Variants in YIF1B observed in about 807,000 individuals in gnomAD.
The protein encoded by YIF1B is Yip1 interacting factor homolog B, membrane trafficking protein.
YIF1B carries 24 observed loss-of-function variants against 34.6 expected under a neutral mutation model. The observed-to-expected ratio is 0.69, with a 90% CI of 0.50 to 0.98. The LOEUF is 0.98. Ranked by LOEUF, YIF1B falls within the 50% of genes least tolerant of loss-of-function variation. The pLI is 0.00. For synonymous variants in YIF1B, 186 were observed against 184.8 expected, an observed-to-expected ratio of 1.01 and a Z score of -0.05; for missense variants, 368 against 429.4, an observed-to-expected ratio of 0.86 and a Z score of 1.26.
chr19:38,309,501 C>T lies in YIF1B; in HGVS notation c.201G>A (p.Thr67=), dbSNP rs542559335. ...GGLSYPAASP[T]PHAAFLADPV... ...GGTCAGCCAGGAAGGCTGCATGGGG[C>T]GTGGGAGAGGCTGCAGGATAACTCA... The change falls in exon 2 of 8, where the codon ACG becomes ACA. Residue 67 remains threonine, a synonymous_variant. Coordinates refer to ENST00000339413, the MANE Select transcript of YIF1B (RefSeq NM_001039672.3). 1.2e-5 allele frequency: 19 copies of T among 1,612,892 alleles called. No individual in the cohort carries two copies. The highest frequency in any genetic ancestry group is 2.7e-5 in the African/African-American group (2 of 75,042).
chr19:38,321,290 C>A (rs1042614526), upstream of YIF1B, among the ~76,000 whole-genome samples: 1 of 152,188 alleles, frequency 6.6e-6, no homozygotes, highest in Non-Finnish European at 1.5e-5. Context: ...CATCTGTCTC[C>A]TGGCCCCATA....
chr19:38,315,406 A>G (rs1181740013), intron 1 of YIF1B: 20 of 1,236,730 alleles, frequency 1.6e-5, no homozygotes, highest in African/African-American at 3.1e-5. Context: ...TGAATAAATG[A>G]AACACACAGC....
At chr19:38,312,491 TCTA>T (rs2146311320) in intron 1 of YIF1B, among the ~76,000 whole-genome samples, 1 of 152,250 alleles carries the variant, frequency 6.6e-6, no homozygotes, top group Admixed American at 6.5e-5. Context: ...GGGAGTGCTC[TCTA>T]CTGAGATGGA....
intron 1 of YIF1B, among the ~76,000 whole-genome samples, chr19:38,315,226 C>T (rs1340315540): frequency 7.4e-6 from 1 of 134,388 alleles, no homozygotes; most frequent in Non-Finnish European, 1.6e-5. Flanking sequence ...GCCTTGGCAA[C>T]AAGAACAAAA....
intron 1 of YIF1B, among the ~76,000 whole-genome samples, chr19:38,314,470 G>A (rs888014353): frequency 6.6e-6 from 1 of 151,776 alleles, no homozygotes; most frequent in African/African-American, 2.4e-5. Context: ...TGGGATTATA[G>A]GTGTGAACCA....
At chr19:38,316,450 A>G (rs1969557576), upstream of YIF1B, among the ~76,000 whole-genome samples, 1 of 152,066 alleles carries the variant, frequency 6.6e-6, no homozygotes, top group East Asian at 1.9e-4. Flanking sequence ...GGAGTTCGAG[A>G]CCAGCCTGGG....
At position 38,304,542 on chromosome 19, in the gene YIF1B, C is replaced by T; in HGVS notation, c.*810G>A. 1 of 1,586,390 alleles carries T rather than the reference C, an allele frequency of 6.3e-7. No homozygotes were observed. Among genetic ancestry groups the T allele is most frequent in the Non-Finnish European group, 8.6e-7 (1 of 1,166,872 alleles). On this transcript the variant is annotated 3_prime_UTR_variant, in exon 8 of 8. Coordinates refer to ENST00000339413, the MANE Select transcript of YIF1B (RefSeq NM_001039672.3). ...AGGGGCGGGAAGGCTGGGGTTGCCC[C>T]TGACCCCAGGGTCCTGCCTTAGGCC...
Position 38,308,860 on chromosome 19 carries a change from C to A in YIF1B, c.482-11G>T. On this transcript the variant is annotated splice_polypyrimidine_tract_variant and intron_variant, in intron 4 of 7. Transcript: ENST00000339413. The stretch of plus-strand genomic sequence containing the variant: ...TGATGAAAGCCATTGCTGTGGGAGA[C>A]AGACACACAGACACTGGTCACCAGA... 6.2e-7 allele frequency: 1 copy of A among 1,613,904 alleles called. No individual in the cohort carries two copies. Among genetic ancestry groups the A allele is most frequent in the Non-Finnish European group, 8.5e-7 (1 of 1,179,896 alleles).
chr19:38,306,829 A>C (rs961598655), intron 7 of YIF1B: 12 of 373,822 alleles, frequency 3.2e-5, no homozygotes, highest in East Asian at 2.5e-4. Context: ...CTACAGGCAC[A>C]CACCACCACA....
At chr19:38,320,164 C>G (rs370299501), upstream of YIF1B, 311 of 1,596,666 alleles carry the variant, frequency 1.9e-4, no homozygotes, top group Non-Finnish European at 2.2e-4. Flanking sequence ...GGCCGGACGG[C>G]TGGGGCGGGT....
At chr19:38,308,125 T>A (rs1373725249) in intron 5 of YIF1B, among the ~76,000 whole-genome samples, 1 of 152,148 alleles carries the variant, frequency 6.6e-6, no homozygotes, top group Non-Finnish European at 1.5e-5. Flanking sequence ...ACAGATGTGT[T>A]CAGTGCCATA....
At position 38,304,174 on chromosome 19, in the gene YIF1B, C is replaced by T; in HGVS notation, c.*1178G>A. The T allele has an allele frequency of 6.6e-7, 1 of 1,516,048 alleles. No individual in the cohort carries two copies. Among genetic ancestry groups the T allele is most frequent in the Non-Finnish European group, 9.1e-7 (1 of 1,103,114 alleles). The allele number at this position is 1,516,048 out of a possible 1,614,324, so 93.9% of individuals were successfully genotyped here. On this transcript the variant is annotated 3_prime_UTR_variant, in exon 8 of 8. Transcript: ENST00000339413. ...GTGGGGCGTCTCAGCATTCCTCCAA[C>T]GGGCAGGTCTCAGCGCTCCTCCCCC...
chr19:38,320,268 C>T, upstream of YIF1B: 1 of 1,605,742 alleles, frequency 6.2e-7, no homozygotes, highest in African/African-American at 1.3e-5. Flanking sequence ...TGATCACCAC[C>T]GTGGGTACGT....
In YIF1B at chr19:38,305,518, AAG is replaced by A. The variant is rs762659404; in HGVS notation, c.790-13_790-12del. 1.2e-5 allele frequency: 19 copies of A among 1,593,968 alleles called. No individual in the cohort carries two copies. The highest frequency in any genetic ancestry group is 1.5e-5 in the Non-Finnish European group (18 of 1,165,210). On this transcript the variant is annotated splice_polypyrimidine_tract_variant and intron_variant, in intron 7 of 7. Coordinates refer to ENST00000339413, the MANE Select transcript of YIF1B (RefSeq NM_001039672.3). ...CCGCAGCGTCCGGATCTGGGTGGGA[AAG>A]AGAGAGAGGAACCAAGGGATTTACC...
Position 38,304,979 on chromosome 19 carries a change from G to T in YIF1B, c.*373C>A. The T allele has an allele frequency of 6.3e-7, 1 of 1,586,506 alleles. No individual in the cohort carries two copies. The highest frequency in any genetic ancestry group is 1.4e-5 in the African/African-American group (1 of 73,950). On this transcript the variant is annotated 3_prime_UTR_variant, in exon 8 of 8. Coordinates refer to ENST00000339413, the MANE Select transcript of YIF1B (RefSeq NM_001039672.3). ...CTCCCCACTGAAGGGCCCTGGACAG[G>T]GCTCATTAAACCTTCCTCTCTGCCT...
upstream of YIF1B, among the ~76,000 whole-genome samples, chr19:38,320,834 C>A (rs906300585): frequency 7.9e-5 from 12 of 152,148 alleles, no homozygotes; most frequent in Non-Finnish European, 1.6e-4. Flanking sequence ...GCTGGCATTA[C>A]AGGCTTGAGC....
rs537750223 is a variant in YIF1B at position 38,304,161 on chromosome 19, A to C, written c.*1191T>G. ...GGACAGAGGTTGGGTGGGGCGTCTC[A>C]GCATTCCTCCAACGGGCAGGTCTCA... On this transcript the variant is annotated 3_prime_UTR_variant, in exon 8 of 8. Coordinates refer to ENST00000339413, the MANE Select transcript of YIF1B (RefSeq NM_001039672.3). The C allele has an allele frequency of 2.6e-5, 37 of 1,449,816 alleles. No homozygotes were observed. In the African/African-American group the frequency reaches 5.0e-4, roughly 20 times the overall value. The allele number at this position is 1,449,816 out of a possible 1,614,324, so 89.8% of individuals were successfully genotyped here. A position where few individuals can be genotyped will look rare whatever the true frequency, so the allele number is the denominator to read the frequency against.
At chr19:38,310,155 CCCACCCATCAATCCATCCATTCATCCAT>C (rs1969263959) in intron 1 of YIF1B, among the ~76,000 whole-genome samples, 1 of 145,460 alleles carries the variant, frequency 6.9e-6, no homozygotes, top group African/African-American at 2.6e-5. Context: ...CATCTACCCA[CCCACCCATCAATCCATCCATTCATCCAT>C]CCACCCATCC....
chr19:38,315,596 C>T, intron 1 of YIF1B: 1 of 1,506,272 alleles, frequency 6.6e-7, no homozygotes, highest in Non-Finnish European at 8.8e-7. Flanking sequence ...CAGGGAAGGG[C>T]GGATCGCTAA....
Sources: gnomAD v4.1 joint callset for allele counts (sites outside exome capture counted in the v4.1 genomes callset) on GRCh38, gnomAD v4.1.1 for gene constraint, MANE v1.5 for transcripts, NCBI Gene and HGNC (gene_info 2026-07-23, HGNC 2026-07-21) for gene names.